The following PIBF1 variants were observed in gnomAD, a reference collection of about 807,000 sequenced individuals.
The protein encoded by PIBF1 is progesterone immunomodulatory binding factor 1.
Under a neutral mutation model 112.5 loss-of-function variants are expected in PIBF1, and 90 were observed. The ratio of observed to expected loss-of-function variants is 0.80; its 90% CI spans 0.67 to 0.95. The LOEUF (loss-of-function observed/expected upper bound fraction) is 0.95. Ranked by LOEUF, PIBF1 falls within the 40% of genes least tolerant of loss-of-function variation. PIBF1 has a pLI of 0.00. For synonymous variants in PIBF1, 301 were observed against 288.6 expected (o/e 1.04, Z -0.44); for missense variants, 915 against 852.3 (o/e 1.07, Z -0.92).
At chr13:72,788,634 T>C (rs1279524676) in intron 2 of PIBF1, among the ~76,000 whole-genome samples, 2 of 152,186 alleles carry the variant, frequency 1.3e-5, no homozygotes. Flanking sequence ...GAGTCAGTCC[T>C]CTTTAAAGAG....
At chr13:72,831,628 G>T (rs572148814) in intron 8 of PIBF1, among the ~76,000 whole-genome samples, 1 of 152,310 alleles carries the variant, frequency 6.6e-6, no homozygotes, top group African/African-American at 2.4e-5. Context: ...TGTTCTGAGA[G>T]ACAGTTTGTT....
intron 5 of PIBF1, among the ~76,000 whole-genome samples, chr13:72,815,525 A>G (rs1032913820): frequency 6.6e-5 from 10 of 152,210 alleles, no homozygotes; most frequent in Non-Finnish European, 7.3e-5. Flanking sequence ...TAAAATAGCA[A>G]TTTTTATGAT....
At chr13:72,881,863 C>A (rs935700031) in intron 10 of PIBF1, among the ~76,000 whole-genome samples, 1 of 152,028 alleles carries the variant, frequency 6.6e-6, no homozygotes, top group Non-Finnish European at 1.5e-5. Flanking sequence ...TCCATACTTA[C>A]CCAGAGCAGT....
At chr13:72,967,036 A>G (rs766203691) in intron 15 of PIBF1, among the ~76,000 whole-genome samples, 6 of 151,842 alleles carry the variant, frequency 4.0e-5, no homozygotes, top group Non-Finnish European at 8.8e-5. Context: ...CCCGGGTTCA[A>G]GTGATTCTCC....
intron 14 of PIBF1, among the ~76,000 whole-genome samples, chr13:72,954,584 C>T (rs751874748): frequency 6.6e-6 from 1 of 152,190 alleles, no homozygotes; most frequent in African/African-American, 2.4e-5. Flanking sequence ...GTATTCTCCA[C>T]GCTCACTAAA....
At chr13:72,888,060 G>A (rs1282161266) in intron 10 of PIBF1, among the ~76,000 whole-genome samples, 2 of 152,076 alleles carry the variant, frequency 1.3e-5, no homozygotes, top group Non-Finnish European at 2.9e-5. Context: ...CCTTCAAAGA[G>A]AAGTTTTTGT....
chr13:72,843,975 TTTAAA>T (rs559086973), intron 9 of PIBF1, among the ~76,000 whole-genome samples: 85 of 152,358 alleles, frequency 5.6e-4, no homozygotes, highest in African/African-American at 1.9e-3. Flanking sequence ...ATTATCAACC[TTTAAA>T]TTAACATCAC....
At chr13:72,976,424 C>T (rs2043024212) in intron 16 of PIBF1, among the ~76,000 whole-genome samples, 1 of 152,236 alleles carries the variant, frequency 6.6e-6, no homozygotes, top group African/African-American at 2.4e-5. Flanking sequence ...CCTACTACTA[C>T]ATGTTATTAC....
intron 16 of PIBF1, among the ~76,000 whole-genome samples, chr13:72,996,112 T>G (rs1594340669): frequency 3.1e-5 from 1 of 31,954 alleles, no homozygotes. Context: ...ATAAACAAAG[T>G]CAAGTAAGAG....
intron 10 of PIBF1, among the ~76,000 whole-genome samples, chr13:72,872,063 T>C (rs1345721012): frequency 6.6e-6 from 1 of 152,180 alleles, no homozygotes; most frequent in African/African-American, 2.4e-5. Context: ...GGCTCTATTG[T>C]TCCTGGGTGC....
chr13:72,837,720 C>G (rs893149785), intron 9 of PIBF1, among the ~76,000 whole-genome samples: 3 of 152,134 alleles, frequency 2.0e-5, no homozygotes, highest in Non-Finnish European at 4.4e-5. Context: ...ATATAAACAT[C>G]TCTGCACAAT....
intron 16 of PIBF1, among the ~76,000 whole-genome samples, chr13:72,985,358 T>C (rs2043253222): frequency 8.6e-6 from 1 of 115,712 alleles, no homozygotes; most frequent in Admixed American, 1.1e-4. Context: ...AAACCCTGTC[T>C]CTACTAAAAA....
At chr13:72,960,274 G>C (rs567624696) in intron 14 of PIBF1, among the ~76,000 whole-genome samples, 1 of 152,150 alleles carries the variant, frequency 6.6e-6, no homozygotes, top group South Asian at 2.1e-4. Context: ...AGCCGGGCAT[G>C]GTGGTGCATG....
At chr13:72,973,840 T>C (rs574724649) in intron 16 of PIBF1, 165 bp downstream of exon 16, 2 of 533,872 alleles carry the variant, frequency 3.7e-6, no homozygotes, top group Non-Finnish European at 6.6e-6. Flanking sequence ...ATATACTTCT[T>C]AGAGTTAATT....
chr13:72,807,133 A>G (rs2035775771), intron 5 of PIBF1, among the ~76,000 whole-genome samples: 1 of 151,488 alleles, frequency 6.6e-6, no homozygotes. Context: ...GTTATCATGA[A>G]TTCTCAGGAA....
intron 14 of PIBF1, among the ~76,000 whole-genome samples, chr13:72,946,819 A>G (rs1379649390): frequency 6.6e-6 from 1 of 152,214 alleles, no homozygotes; most frequent in African/African-American, 2.4e-5. Flanking sequence ...GTGGGCTCCC[A>G]CGGTCTTGGG....
intron 11 of PIBF1, among the ~76,000 whole-genome samples, chr13:72,899,433 G>T (rs1446532369): frequency 6.6e-6 from 1 of 152,154 alleles, no homozygotes; most frequent in Non-Finnish European, 1.5e-5. Context: ...TCACGACCAA[G>T]TAGGTTTCAT....
intron 9 of PIBF1, among the ~76,000 whole-genome samples, chr13:72,853,636 G>A (rs2038272899): frequency 6.6e-6 from 1 of 151,846 alleles, no homozygotes; most frequent in African/African-American, 2.4e-5. Flanking sequence ...TCTCTTGCTC[G>A]TATCCCAAAC....
chr13:72,791,778 G>A (rs868464844), intron 2 of PIBF1, among the ~76,000 whole-genome samples: 10 of 151,840 alleles, frequency 6.6e-5, no homozygotes, highest in East Asian at 5.9e-4. Context: ...GACTACAGGC[G>A]CCCGCCACCA....
Sources: allele counts gnomAD v4.1 joint callset (sites outside exome capture counted in the v4.1 genomes callset), GRCh38; gene constraint gnomAD v4.1.1; transcripts MANE v1.5; gene names NCBI Gene and HGNC (gene_info 2026-07-23, HGNC 2026-07-21).